The following PTPRD variants were observed in gnomAD, a reference collection of about 807,000 sequenced individuals.
The protein encoded by PTPRD is protein tyrosine phosphatase receptor type D, also known as receptor-type tyrosine-protein phosphatase delta.
PTPRD carries 34 observed loss-of-function variants against 214.5 expected under a neutral mutation model. That is an observed-to-expected ratio of 0.16 (90% CI 0.12 to 0.21). PTPRD has a LOEUF of 0.21. Among genes scored for constraint, PTPRD ranks in the 10% least tolerant of loss-of-function variants. The pLI is 1.00. For synonymous variants in PTPRD, 1,128 were observed against 845.7 expected (o/e 1.33, Z -5.79); for missense variants, 2,545 against 2,398.7 (o/e 1.06, Z -1.27).
At chr9:9,061,322 G>T (rs2154401336) in intron 10 of PTPRD, among the ~76,000 whole-genome samples, 1 of 152,290 alleles carries the variant, frequency 6.6e-6, no homozygotes, top group African/African-American at 2.4e-5. Flanking sequence ...CAATACATTT[G>T]TAACGCAATT....
At chr9:9,278,699 T>A (rs1350858743) in intron 9 of PTPRD, among the ~76,000 whole-genome samples, 1 of 151,340 alleles carries the variant, frequency 6.6e-6, no homozygotes, top group Admixed American at 6.6e-5. Context: ...TTAGTGTCAG[T>A]CAGACCTGCG....
chr9:9,017,319 C>T (rs1469987052), intron 11 of PTPRD, among the ~76,000 whole-genome samples: 2 of 152,072 alleles, frequency 1.3e-5, no homozygotes, highest in Non-Finnish European at 2.9e-5. Context: ...GATAGAAAAA[C>T]TCAATTCTAC....
At chr9:9,168,896 A>T (rs1026653763) in intron 10 of PTPRD, among the ~76,000 whole-genome samples, 1 of 151,016 alleles carries the variant, frequency 6.6e-6, no homozygotes, top group Non-Finnish European at 1.5e-5. Flanking sequence ...TTATTTATAT[A>T]TTTTTTTTGT....
At position 9,040,855 on chromosome 9, in the gene PTPRD, C is replaced by A. The variant is rs116544603; in HGVS notation, c.-142-22120G>T. Reference sequence around the variant, plus strand: ...GGGCCCATTCTTTAGGAGTTTAGAGCCTTTGAAAAGCTTTTGTTTATTATT... The same window carrying A: ...GGGCCCATTCTTTAGGAGTTTAGAGACTTTGAAAAGCTTTTGTTTATTATT... On this transcript the variant is annotated intron_variant, in intron 10 of 45. Coordinates refer to ENST00000381196, the MANE Select transcript of PTPRD (RefSeq NM_002839.4). Among the ~76,000 whole-genome samples, 561 of 152,158 alleles carry A rather than the reference C, an allele frequency of 3.7e-3. 1 individual carries two copies. The highest frequency in any genetic ancestry group is 0.012 in the African/African-American group (501 of 41,526).
chr9:9,362,477 T>C (rs1167438022), intron 9 of PTPRD, among the ~76,000 whole-genome samples: 2 of 151,204 alleles, frequency 1.3e-5, no homozygotes, highest in Non-Finnish European at 3.0e-5. Context: ...GGATGAAATG[T>C]ATGAGAGCAA....
At chr9:9,850,647 T>G (rs1179311402) in intron 5 of PTPRD, among the ~76,000 whole-genome samples, 1 of 152,150 alleles carries the variant, frequency 6.6e-6, no homozygotes, top group Non-Finnish European at 1.5e-5. Flanking sequence ...GCTAAGTAAA[T>G]TATGTATTGT....
intron 2 of PTPRD, among the ~76,000 whole-genome samples, chr9:10,580,365 T>A (rs970369698): frequency 6.6e-6 from 1 of 152,218 alleles, no homozygotes; most frequent in Non-Finnish European, 1.5e-5. Flanking sequence ...CAACAGTATA[T>A]AAACCTGTAC....
intron 2 of PTPRD, among the ~76,000 whole-genome samples, chr9:10,447,390 T>C (rs2098807629): frequency 6.6e-6 from 1 of 151,932 alleles, no homozygotes; most frequent in Non-Finnish European, 1.5e-5. Context: ...GGGCTCTCAT[T>C]TGCTACTGTT....
At chr9:9,090,249 TA>T (rs2099773641) in intron 10 of PTPRD, among the ~76,000 whole-genome samples, 4 of 152,314 alleles carry the variant, frequency 2.6e-5, no homozygotes, top group African/African-American at 7.2e-5. Flanking sequence ...GCAATCATTC[TA>T]TTCTCTACCT....
intron 6 of PTPRD, among the ~76,000 whole-genome samples, chr9:9,742,275 G>C (rs1184932638): frequency 6.6e-6 from 1 of 152,142 alleles, no homozygotes; most frequent in African/African-American, 2.4e-5. Flanking sequence ...TGCAAGGAAG[G>C]AGCATGTATG....
At chr9:9,267,799 A>AC (rs2132546383) in intron 9 of PTPRD, among the ~76,000 whole-genome samples, 1 of 151,196 alleles carries the variant, frequency 6.6e-6, no homozygotes, top group African/African-American at 2.4e-5. Context: ...AATAGACAAA[A>AC]AAAAAGCATT....
At chr9:9,981,446 C>G (rs1403132068) in intron 4 of PTPRD, among the ~76,000 whole-genome samples, 4 of 151,394 alleles carry the variant, frequency 2.6e-5, no homozygotes, top group Non-Finnish European at 4.4e-5. Context: ...GCTCCACCTC[C>G]AGGGTTCAAG....
chr9:9,616,295 T>A (rs2094856724), intron 7 of PTPRD, among the ~76,000 whole-genome samples: 1 of 152,224 alleles, frequency 6.6e-6, no homozygotes, highest in South Asian at 2.1e-4. Flanking sequence ...AAAATTCGAA[T>A]TTAACTCCAT....
At chr9:10,442,909 C>T (rs1378827507) in intron 2 of PTPRD, among the ~76,000 whole-genome samples, 2 of 151,388 alleles carry the variant, frequency 1.3e-5, no homozygotes, top group African/African-American at 4.8e-5. Context: ...ATTACCCTTT[C>T]TTGACATGTA....
chr9:9,766,113 C>T (rs943210763), intron 6 of PTPRD, among the ~76,000 whole-genome samples: 1 of 152,196 alleles, frequency 6.6e-6, no homozygotes, highest in Non-Finnish European at 1.5e-5. Flanking sequence ...AGTTCCCTTA[C>T]TCAGTACTCA....
chr9:9,930,812 C>G (rs949918636), intron 5 of PTPRD, among the ~76,000 whole-genome samples: 5 of 151,688 alleles, frequency 3.3e-5, no homozygotes, highest in Non-Finnish European at 7.4e-5. Flanking sequence ...GTAAATAGGT[C>G]AATTTTGATT....
rs899373346 is a variant in PTPRD, at chr9:8,485,118, G to A, written c.3153+109C>T. 4 of 791,784 alleles carry A rather than the reference G, an allele frequency of 5.1e-6. No homozygotes were observed. In the Admixed American group the frequency reaches 9.7e-5, roughly 19 times the overall value. 49.0% of individuals were successfully genotyped at this position (791,784 alleles called of 1,614,324 possible). A position where few individuals can be genotyped will look rare whatever the true frequency, so the allele number is the denominator to read the frequency against. Reference sequence around the variant, plus strand: ...GAAAGTCACAAATGAAAATAGCAAGGACACGTGGCCAAAACAAAGTGGTCT... The same window carrying A: ...GAAAGTCACAAATGAAAATAGCAAGAACACGTGGCCAAAACAAAGTGGTCT... On this transcript the variant is annotated intron_variant, in intron 29 of 45. Coordinates refer to ENST00000381196, the MANE Select transcript of PTPRD (RefSeq NM_002839.4).
intron 12 of PTPRD, among the ~76,000 whole-genome samples, chr9:8,680,579 C>A (rs181293599): frequency 1.3e-5 from 2 of 152,206 alleles, no homozygotes; most frequent in African/African-American, 2.4e-5. Context: ...TATATACACA[C>A]AAACATAATG....
intron 5 of PTPRD, among the ~76,000 whole-genome samples, chr9:9,906,660 C>G (rs2077654138): frequency 6.6e-6 from 1 of 151,886 alleles, no homozygotes; most frequent in African/African-American, 2.4e-5. Context: ...ATCATATAAT[C>G]AGCATTTCTC....
Sources: allele counts gnomAD v4.1 joint callset (sites outside exome capture counted in the v4.1 genomes callset), GRCh38; gene constraint gnomAD v4.1.1; transcripts MANE v1.5; gene names NCBI Gene and HGNC (gene_info 2026-07-23, HGNC 2026-07-21).